The following PPME1 variants were observed in gnomAD, a reference collection of about 807,000 sequenced individuals.
The protein encoded by PPME1 is protein phosphatase methylesterase 1.
PPME1 carries 17 observed loss-of-function variants against 56.9 expected under a neutral mutation model. That is an observed-to-expected ratio of 0.30 (90% CI 0.20 to 0.45). The LOEUF (loss-of-function observed/expected upper bound fraction) is 0.45. Ranked by LOEUF, PPME1 falls within the 20% of genes least tolerant of loss-of-function variation. PPME1 has a pLI of 1.00. For synonymous variants in PPME1, 122 were observed against 156.2 expected, an observed-to-expected ratio of 0.78 and a Z score of 1.63; for missense variants, 357 against 483.2, an observed-to-expected ratio of 0.74 and a Z score of 2.45.
Position 74,250,945 on chromosome 11 carries a change from C to T in PPME1, c.1010-9C>T. 1 of 1,593,106 alleles carries T rather than the reference C, an allele frequency of 6.3e-7. No individual in the cohort carries two copies. Among genetic ancestry groups the T allele is most frequent in the African/African-American group, 1.3e-5 (1 of 74,646 alleles). On this transcript the variant is annotated splice_polypyrimidine_tract_variant and intron_variant, in intron 11 of 13. Transcript: ENST00000328257. Reference sequence around the variant, plus strand: ...TCGCTGAAGTTGCCTTGCTTTGATTCCTCTCCAGGGAAGTTCCAGATGCAG... The same window carrying T: ...TCGCTGAAGTTGCCTTGCTTTGATTTCTCTCCAGGGAAGTTCCAGATGCAG...
chr11:74,196,975 TGCAGCCCG>T (rs1359754473), intron 1 of PPME1, among the ~76,000 whole-genome samples: 9 of 152,192 alleles, frequency 5.9e-5, no homozygotes, highest in African/African-American at 1.9e-4. Context: ...TTTCTGAGAA[TGCAGCCCG>T]GCAAGTCCCA....
chr11:74,251,105 G>T, intron 12 of PPME1, 87 bp downstream of exon 12: 3 of 1,534,518 alleles, frequency 2.0e-6, no homozygotes, highest in Non-Finnish European at 2.6e-6. Flanking sequence ...GTCTCAGCCT[G>T]CATTGCCTGC....
intron 11 of PPME1, chr11:74,247,378 A>G (rs1859529964): frequency 4.5e-6 from 2 of 443,900 alleles, no homozygotes; most frequent in South Asian, 4.0e-5. Context: ...TCTCAGTTAT[A>G]AGAGTTAAAA....
At chr11:74,225,687 A>T (rs1400981405) in intron 5 of PPME1, among the ~76,000 whole-genome samples, 1 of 152,178 alleles carries the variant, frequency 6.6e-6, no homozygotes, top group Non-Finnish European at 1.5e-5. Flanking sequence ...TCATGATATT[A>T]AAAAATGACA....
intron 1 of PPME1, among the ~76,000 whole-genome samples, chr11:74,189,764 T>G (rs1857785867): frequency 6.6e-6 from 1 of 152,270 alleles, no homozygotes; most frequent in Non-Finnish European, 1.5e-5. Flanking sequence ...TTTTCATCCT[T>G]TTCTCTTTCA....
At chr11:74,211,633 C>T (rs1858477555) in intron 3 of PPME1, among the ~76,000 whole-genome samples, 1 of 152,074 alleles carries the variant, frequency 6.6e-6, no homozygotes, top group Non-Finnish European at 1.5e-5. Flanking sequence ...AAAACAAAAA[C>T]TTCTAGACAA....
At chr11:74,225,681 G>A (rs1858916660) in intron 5 of PPME1, among the ~76,000 whole-genome samples, 1 of 152,126 alleles carries the variant, frequency 6.6e-6, no homozygotes, top group Admixed American at 6.6e-5. Flanking sequence ...ATGAGATCAT[G>A]ATATTAAAAA....
At chr11:74,225,614 T>C (rs1012037244) in intron 5 of PPME1, among the ~76,000 whole-genome samples, 2 of 152,230 alleles carry the variant, frequency 1.3e-5, no homozygotes, top group Non-Finnish European at 2.9e-5. Context: ...GCAAGAGGCC[T>C]TGAGAGTATC....
intron 1 of PPME1, among the ~76,000 whole-genome samples, chr11:74,195,440 TTTTAAA>T (rs1857955626): frequency 1.3e-5 from 2 of 152,352 alleles, no homozygotes; most frequent in Admixed American, 1.3e-4. Flanking sequence ...ATTCATGTAC[TTTTAAA>T]TTTATTTTCA....
At chr11:74,227,346 A>G (rs1393972179) in intron 5 of PPME1, among the ~76,000 whole-genome samples, 1 of 151,846 alleles carries the variant, frequency 6.6e-6, no homozygotes, top group Non-Finnish European at 1.5e-5. Flanking sequence ...CACCAAAAAA[A>G]TTTTTTAATG....
chr11:74,216,175 A>G (rs977390623), intron 3 of PPME1, among the ~76,000 whole-genome samples: 6 of 152,216 alleles, frequency 3.9e-5, no homozygotes, highest in Admixed American at 6.5e-5. Flanking sequence ...CACTTCATCC[A>G]ACAGCTGCAG....
intron 9 of PPME1, among the ~76,000 whole-genome samples, chr11:74,239,815 C>T (rs6592551): frequency 0.4 from 60,990 of 151,684 alleles, 14,467 homozygotes; most frequent in Admixed American, 0.56. Flanking sequence ...CTCCTGACCT[C>T]GTGATCCACC....
At chr11:74,235,522 G>T (rs1859169420) in intron 7 of PPME1, among the ~76,000 whole-genome samples, 1 of 152,076 alleles carries the variant, frequency 6.6e-6, no homozygotes, top group African/African-American at 2.4e-5. Context: ...CCTCAGTTTA[G>T]CTGTGACCTC....
Position 74,231,097 on chromosome 11 carries a change from A to C in PPME1, c.644+95A>C, listed in dbSNP as rs1033841551. ...TTAGGAGACAAGGCCTCACTCTGTCACCCAGGCTGGAGTGCAGTGGCATGA... is the reference window on the plus strand; with the variant it reads ...TTAGGAGACAAGGCCTCACTCTGTCCCCCAGGCTGGAGTGCAGTGGCATGA... On this transcript the variant is annotated intron_variant, in intron 7 of 13. Coordinates refer to ENST00000328257, the MANE Select transcript of PPME1 (RefSeq NM_016147.3). 23 of 1,094,368 alleles carry C rather than the reference A, an allele frequency of 2.1e-5. No homozygotes were observed. The South Asian group carries it at 3.0e-4, about 14-fold the overall frequency. The allele number at this position is 1,094,368 out of a possible 1,614,324, so 67.8% of individuals were successfully genotyped here.
chr11:74,207,451 C>G (rs1858356503), intron 3 of PPME1, among the ~76,000 whole-genome samples: 1 of 152,164 alleles, frequency 6.6e-6, no homozygotes, highest in Non-Finnish European at 1.5e-5. Context: ...ACTTGGGAAA[C>G]TTTTATCTGT....
chr11:74,240,402 A>G (rs1010967583), intron 9 of PPME1, among the ~76,000 whole-genome samples: 1 of 152,184 alleles, frequency 6.6e-6, no homozygotes, highest in Non-Finnish European at 1.5e-5. Context: ...GTGTTTTATG[A>G]GTACTTGCCA....
At chr11:74,253,448 T>C in intron 13 of PPME1, 44 bp from the exon 14 acceptor site, 2 of 1,577,848 alleles carry the variant, frequency 1.3e-6, no homozygotes, top group Non-Finnish European at 1.7e-6. Flanking sequence ...GGAAAGCTAT[T>C]GATAGTTACA....
chr11:74,189,557 G>A (rs1028271903), intron 1 of PPME1, among the ~76,000 whole-genome samples: 4 of 152,210 alleles, frequency 2.6e-5, no homozygotes, highest in African/African-American at 7.2e-5. Flanking sequence ...CCAAAGTGCC[G>A]GGATTGCAGG....
intron 7 of PPME1, among the ~76,000 whole-genome samples, chr11:74,235,061 G>T (rs1242537955): frequency 6.6e-6 from 1 of 152,034 alleles, no homozygotes; most frequent in Non-Finnish European, 1.5e-5. Context: ...TGATTGCCTC[G>T]GTTTACCATT....
Sources: allele counts gnomAD v4.1 joint callset (sites outside exome capture counted in the v4.1 genomes callset), GRCh38; gene constraint gnomAD v4.1.1; transcripts MANE v1.5; gene names NCBI Gene and HGNC (gene_info 2026-07-23, HGNC 2026-07-21).